PDE2A: variants seen among roughly 807,000 people sequenced by gnomAD.
PDE2A encodes cGMP-dependent 3',5'-cyclic phosphodiesterase.
PDE2A carries 53 observed loss-of-function variants against 133.6 expected under a neutral mutation model. The ratio of observed to expected loss-of-function variants is 0.40; its 90% CI spans 0.32 to 0.50. The LOEUF is 0.50. Ranked by LOEUF, PDE2A falls within the 20% of genes least tolerant of loss-of-function variation. The pLI, the probability that PDE2A is intolerant of heterozygous loss-of-function variation, is 0.73. For missense variants in PDE2A, 796 were observed against 1,232.4 expected (o/e 0.65, Z 5.30); for synonymous variants, 491 against 490.2 (o/e 1.00, Z -0.02).
chr11:72,591,117 A>AT lies in PDE2A; in HGVS notation c.549+179dup, dbSNP rs568022468. 295 of 642,482 alleles carry AT rather than the reference A, an allele frequency of 4.6e-4. 2 individuals carry two copies. The East Asian group carries it at 7.4e-3, about 16-fold the overall frequency. The allele number at this position is 642,482 out of a possible 1,614,324, so 39.8% of individuals were successfully genotyped here. A position where few individuals can be genotyped will look rare whatever the true frequency, so the allele number is the denominator to read the frequency against. ...GTCAGTCGGTGCTATCATTATCCCC[A>AT]TTTTCAGGTGTGAAACTGAGGCCCA... On this transcript the variant is annotated intron_variant, in intron 7 of 30. Transcript: ENST00000334456.
rs199979190 is a variant in PDE2A at position 72,584,902 on chromosome 11, C to T, written c.1329G>A (p.Lys443=). 4.1e-5 allele frequency: 66 copies of T among 1,614,192 alleles called. No individual in the cohort carries two copies. The highest frequency in any genetic ancestry group is 3.3e-4 in the Middle Eastern group (2 of 6,062). ...CATCCACCACGCCCCCGTCGAACAC[C>T]TTGGCCACCAGCTCATTCTGATCCA... ...FLLDQNELVA[K]VFDGGVVDDE... is the part of the protein sequence containing the mutation. Residue 443 remains lysine (K), a synonymous_variant, in exon 17 of 31, where the codon AAG becomes AAA. Transcript: ENST00000334456.
chr11:72,650,084 C>T (rs1854685271), intron 1 of PDE2A, among the ~76,000 whole-genome samples: 1 of 148,244 alleles, frequency 6.7e-6, no homozygotes, highest in African/African-American at 2.5e-5. Flanking sequence ...TGCAGTGGTA[C>T]AATCTCGACT....
chr11:72,604,126 G>A (rs1441559964), intron 4 of PDE2A, among the ~76,000 whole-genome samples: 8 of 152,198 alleles, frequency 5.3e-5, no homozygotes, highest in Admixed American at 5.2e-4. Context: ...CTCAGCTCCT[G>A]CCCAGTGCTC....
chr11:72,612,708 G>A, intron 2 of PDE2A, among the ~76,000 whole-genome samples: 1 of 136,174 alleles, frequency 7.3e-6, no homozygotes, highest in South Asian at 2.6e-4. Flanking sequence ...ATGGTGGGTG[G>A]ATAGGTAGAT....
chr11:72,607,835 G>C (rs980378177), intron 3 of PDE2A, among the ~76,000 whole-genome samples: 1 of 152,138 alleles, frequency 6.6e-6, no homozygotes, highest in Non-Finnish European at 1.5e-5. Flanking sequence ...GACTCAGTTA[G>C]GGCATCTCCT....
At chr11:72,592,459 G>A (rs560659643) in intron 6 of PDE2A, among the ~76,000 whole-genome samples, 2 of 152,346 alleles carry the variant, frequency 1.3e-5, no homozygotes, top group South Asian at 4.1e-4. Context: ...GGGGAGACAT[G>A]ACTGGGAGGA....
rs34217943 is a variant in PDE2A, at chr11:72,664,364, A to ATTTTTTTTTTTTT, written c.71+9760_71+9772dup. ...CAAAATAGGGCTAGCCCCTTGAAGGATTTTTTTTTTTTTTTTTTTTTTTTT... is the reference window on the plus strand; with the variant it reads ...CAAAATAGGGCTAGCCCCTTGAAGGATTTTTTTTTTTTTTTTTTTTTTTTTTTTTTTTTTTTTT... On this transcript the variant is annotated intron_variant, in intron 1 of 30. Coordinates refer to ENST00000334456, the MANE Select transcript of PDE2A (RefSeq NM_002599.5). Among the ~76,000 whole-genome samples the ATTTTTTTTTTTTT allele has an allele frequency of 9.1e-4, 64 of 70,110 alleles. 6 individuals carry two copies. The highest frequency in any genetic ancestry group is 1.2e-3 in the East Asian group (3 of 2,526). The allele number at this position is 70,110 out of a possible 152,430, so 46.0% of individuals were successfully genotyped here.
chr11:72,611,387 C>A (rs1350631275), intron 2 of PDE2A, among the ~76,000 whole-genome samples: 1 of 152,152 alleles, frequency 6.6e-6, no homozygotes, highest in African/African-American at 2.4e-5. Flanking sequence ...CCCCAGCTCC[C>A]ACCCTAGGGT....
At position 72,591,443 on chromosome 11, in the gene PDE2A, G is replaced by A. The variant is rs951369946; in HGVS notation, c.490-87C>T. ...GCCCTCCCCATGCGCAGCACACACT[G>A]GTCCCCACCAACACATACACACTCC... On this transcript the variant is annotated intron_variant, in intron 6 of 30. Transcript: ENST00000334456. 1.4e-5 allele frequency: 13 copies of A among 959,022 alleles called. No individual in the cohort carries two copies. In the African/African-American group the frequency reaches 1.8e-4, roughly 13 times the overall value. The allele number at this position is 959,022 out of a possible 1,614,324, so 59.4% of individuals were successfully genotyped here.
chr11:72,609,961 C>A (rs1211399982), intron 2 of PDE2A, among the ~76,000 whole-genome samples: 1 of 151,914 alleles, frequency 6.6e-6, no homozygotes, highest in South Asian at 2.1e-4. Context: ...GGTCTGTTAA[C>A]CCAATTGGGA....
At position 72,674,222 on chromosome 11, in the gene PDE2A, C is replaced by T. The variant is rs1337525691; in HGVS notation, c.-15G>A. 10 of 1,605,166 alleles carry T rather than the reference C, an allele frequency of 6.2e-6. No individual in the cohort carries two copies. Among genetic ancestry groups the T allele is most frequent in the African/African-American group, 5.3e-5 (4 of 74,852 alleles). ...GCCTGCCCCATCACTCCTCATCGTC[C>T]GCCTCCCCAGCCAGACTAAGGTGGC... On this transcript the variant is annotated 5_prime_UTR_variant, in exon 1 of 31. Transcript: ENST00000334456.
chr11:72,653,788 T>TCGCC (rs1854815421), intron 1 of PDE2A, among the ~76,000 whole-genome samples: 1 of 152,330 alleles, frequency 6.6e-6, no homozygotes, highest in Admixed American at 6.5e-5. Context: ...CCCCCCAGCC[T>TCGCC]CGCCTGTCCC....
intron 21 of PDE2A, 178 bp downstream of exon 21, chr11:72,582,266 C>A: frequency 1.5e-6 from 1 of 666,494 alleles, no homozygotes; most frequent in East Asian, 2.7e-5. Context: ...AGCCTCTAGC[C>A]CCTGGGCAGG....
intron 1 of PDE2A, among the ~76,000 whole-genome samples, chr11:72,666,954 A>C (rs1169629191): frequency 1.3e-5 from 2 of 152,034 alleles, no homozygotes; most frequent in African/African-American, 4.8e-5. Flanking sequence ...AAAAATACAA[A>C]AATTATGCAG....
Position 72,581,432 on chromosome 11 carries a change from T to C in PDE2A, c.1970A>G (p.Asn657Ser). ...GGAGACAGAAAAGGCGTGCATCCAG[T>C]TGTGGTAGGGGGGATCCCGGTAGCC... ...KKGYRDPPYH[N>S]WMHAFSVSHF... The change falls in exon 23 of 31, where the codon AAC (asparagine) becomes AGC (serine). Residue 657 changes from asparagine (N) to serine (S), a missense_variant. Around this residue, in one of 7 missense-constraint regions of PDE2A, gnomAD observed 218 missense variants for 465.9 expected, o/e 0.47. Transcript: ENST00000334456. 6.2e-7 allele frequency: 1 copy of C among 1,609,890 alleles called. No individual in the cohort carries two copies. The highest frequency in any genetic ancestry group is 8.5e-7 in the Non-Finnish European group (1 of 1,178,630).
At chr11:72,641,581 G>C (rs1192889334) in intron 2 of PDE2A, among the ~76,000 whole-genome samples, 1 of 152,218 alleles carries the variant, frequency 6.6e-6, no homozygotes, top group Non-Finnish European at 1.5e-5. Flanking sequence ...AGAATAAAGT[G>C]GGACCACTGT....
intron 2 of PDE2A, among the ~76,000 whole-genome samples, chr11:72,622,615 A>G (rs1223962229): frequency 6.6e-6 from 1 of 152,246 alleles, no homozygotes; most frequent in Non-Finnish European, 1.5e-5. Context: ...ATACTACATT[A>G]TTCCAATTAC....
chr11:72,636,770 AC>A (rs1266577353), intron 2 of PDE2A, among the ~76,000 whole-genome samples: 2 of 149,688 alleles, frequency 1.3e-5, no homozygotes, highest in African/African-American at 2.5e-5. Context: ...AGGCCTCATC[AC>A]CCCCGCTTAC....
intron 13 of PDE2A, 69 bp downstream of exon 13, chr11:72,588,715 T>G: frequency 6.7e-7 from 1 of 1,492,214 alleles, no homozygotes; most frequent in Non-Finnish European, 9.1e-7. Context: ...CCCACATTGT[T>G]ACCCTCGTGG....
Sources: allele counts gnomAD v4.1 joint callset (sites outside exome capture counted in the v4.1 genomes callset), GRCh38; gene constraint gnomAD v4.1.1; regional missense constraint gnomAD v4.1.1; transcripts MANE v1.5; gene names NCBI Gene and HGNC (gene_info 2026-07-23, HGNC 2026-07-21).